The following TMOD1 variants were observed in gnomAD, a reference collection of about 807,000 sequenced individuals.
TMOD1 encodes the protein tropomodulin 1, also known as tropomodulin-1.
In TMOD1, 17 loss-of-function variants were observed where a neutral mutation model predicts 40.6. The ratio of observed to expected loss-of-function variants is 0.42; its 90% CI spans 0.29 to 0.63. The LOEUF is 0.63. Ranked by LOEUF, TMOD1 falls within the 20% of genes least tolerant of loss-of-function variation. The pLI is 0.22. For missense variants in TMOD1, 391 were observed against 447.6 expected (o/e 0.87, Z 1.14); for synonymous variants, 181 against 175.0 (o/e 1.03, Z -0.27).
At chr9:97,532,442 C>A (rs78941335) in intron 2 of TMOD1, among the ~76,000 whole-genome samples, 2 of 152,210 alleles carry the variant, frequency 1.3e-5, no homozygotes, top group Non-Finnish European at 2.9e-5. Flanking sequence ...TTCACCTTCA[C>A]ACCCCTAGCA....
chr9:97,559,775 A>C (rs1830591166), intron 4 of TMOD1, among the ~76,000 whole-genome samples: 1 of 10,670 alleles, frequency 9.4e-5, no homozygotes, highest in African/African-American at 3.6e-4. Context: ...AAAAATTTAA[A>C]AAAAAAAAAA....
intron 1 of TMOD1, among the ~76,000 whole-genome samples, chr9:97,514,243 G>GGGT (rs71369512): frequency 0.54 from 77,511 of 143,210 alleles, 21,799 homozygotes; most frequent in Middle Eastern, 0.63. Context: ...TTTTTTTTGG[G>GGGT]GGGGGGGTTG....
chr9:97,552,271 A>G (rs112033435), intron 3 of TMOD1, among the ~76,000 whole-genome samples: 57 of 152,246 alleles, frequency 3.7e-4, no homozygotes, highest in African/African-American at 1.3e-3. Flanking sequence ...TTAGGGGATC[A>G]TTTCCTCACT....
At chr9:97,585,727 C>A (rs1207268747) in intron 8 of TMOD1, among the ~76,000 whole-genome samples, 1 of 128,752 alleles carries the variant, frequency 7.8e-6, no homozygotes, top group East Asian at 2.2e-4. Context: ...TTTCTCTAAA[C>A]TTCCCTTCTT....
intron 8 of TMOD1, among the ~76,000 whole-genome samples, chr9:97,584,441 TAGGTG>T (rs1825824012): frequency 6.6e-6 from 1 of 151,342 alleles, no homozygotes; most frequent in Non-Finnish European, 1.5e-5. Context: ...AATTTTGGAA[TAGGTG>T]TGGTGTGGTG....
intron 8 of TMOD1, among the ~76,000 whole-genome samples, chr9:97,581,151 C>A (rs1463477687): frequency 1.3e-4 from 16 of 121,602 alleles, no homozygotes; most frequent in Non-Finnish European, 2.2e-4. Context: ...CCCCTCCCCC[C>A]ACCCCACAAC....
intron 8 of TMOD1, among the ~76,000 whole-genome samples, chr9:97,570,459 G>A (rs892453961): frequency 2.0e-5 from 3 of 152,164 alleles, no homozygotes; most frequent in Non-Finnish European, 2.9e-5. Flanking sequence ...GCCTTGAATT[G>A]CTCATGGTAG....
At chr9:97,575,250 G>A (rs1318346123) in intron 8 of TMOD1, among the ~76,000 whole-genome samples, 1 of 152,128 alleles carries the variant, frequency 6.6e-6, no homozygotes, top group Admixed American at 6.5e-5. Context: ...CTTAAGAGCT[G>A]TAACACTCAC....
intron 1 of TMOD1, among the ~76,000 whole-genome samples, chr9:97,506,730 C>T (rs996188555): frequency 4.2e-4 from 64 of 152,218 alleles, no homozygotes; most frequent in Admixed American, 3.3e-4. Context: ...TGTCCCAGGT[C>T]ATCCAATTCC....
In TMOD1 at chr9:97,564,072, C is replaced by T. The variant is rs768850043; in HGVS notation, c.522C>T (p.Pro174=). The change falls in exon 6 of 10, where the codon CCC becomes CCT. Residue 174 remains proline, a synonymous_variant. Coordinates refer to ENST00000259365, the MANE Select transcript of TMOD1 (RefSeq NM_003275.4). ...VIKPTQYKPV[P]DEEPNSTDVE... is the part of the protein sequence containing the mutation. ...AACCCACACAATACAAGCCTGTGCC[C>T]GACGAAGAACCAAATTCAACAGACG... is the stretch of plus-strand genomic sequence containing the variant. The T allele has an allele frequency of 2.2e-5, 36 of 1,613,982 alleles. 1 individual carries two copies. The African/African-American group carries it at 2.7e-4, about 12-fold the overall frequency.
intron 8 of TMOD1, among the ~76,000 whole-genome samples, chr9:97,575,024 T>A (rs556726224): frequency 1.3e-5 from 2 of 152,182 alleles, no homozygotes; most frequent in Admixed American, 1.3e-4. Flanking sequence ...AAAAGCAGGC[T>A]GCCGGATAAC....
At chr9:97,535,146 T>C (rs993185417) in intron 2 of TMOD1, among the ~76,000 whole-genome samples, 8 of 152,062 alleles carry the variant, frequency 5.3e-5, no homozygotes, top group Non-Finnish European at 1.2e-4. Flanking sequence ...GTCAGGGAAG[T>C]TGGTGAGCAT....
intron 9 of TMOD1, 52 bp from the exon 10 acceptor site, chr9:97,599,582 C>T (rs958346): frequency 0.64 from 1,035,365 of 1,608,476 alleles, 335,660 homozygotes; most frequent in African/African-American, 0.77. Flanking sequence ...ACAGTGCTGG[C>T]CCCTGGTCTA....
chr9:97,504,045 C>T (rs1310054204), intron 1 of TMOD1, among the ~76,000 whole-genome samples: 1 of 152,138 alleles, frequency 6.6e-6, no homozygotes, highest in African/African-American at 2.4e-5. Context: ...TGGGAAAAGA[C>T]CATCAGGATT....
At chr9:97,562,052 A>G (rs2131264254) in intron 4 of TMOD1, among the ~76,000 whole-genome samples, 1 of 152,230 alleles carries the variant, frequency 6.6e-6, no homozygotes, top group African/African-American at 2.4e-5. Context: ...CTTATTCTCC[A>G]CTGTCCCCAC....
At chr9:97,556,155 C>T (rs954016201) in intron 4 of TMOD1, among the ~76,000 whole-genome samples, 8 of 152,028 alleles carry the variant, frequency 5.3e-5, no homozygotes, top group South Asian at 4.2e-4. Context: ...TCGATGAGGC[C>T]GAGGCCTGGG....
At position 97,601,232 on chromosome 9, in the gene TMOD1, T is replaced by C; in HGVS notation, c.*1534T>C. On this transcript the variant is annotated 3_prime_UTR_variant, in exon 10 of 10. Coordinates refer to ENST00000259365, the MANE Select transcript of TMOD1 (RefSeq NM_003275.4). ...TGCATCGCTGAAAACTGCAATATAA[T>C]ATTAAATCTGTTGGTCTATGCATGG... is the stretch of plus-strand genomic sequence containing the variant. The C allele has an allele frequency of 7.9e-7, 1 of 1,266,188 alleles. No individual in the cohort carries two copies. Among genetic ancestry groups the C allele is most frequent in the East Asian group, 5.7e-5 (1 of 17,494 alleles). 78.4% of individuals were successfully genotyped at this position (1,266,188 alleles called of 1,614,324 possible). A position where few individuals can be genotyped will look rare whatever the true frequency, so the allele number is the denominator to read the frequency against.
chr9:97,544,301 GC>G (rs905046872), intron 2 of TMOD1, among the ~76,000 whole-genome samples: 46 of 152,284 alleles, frequency 3.0e-4, no homozygotes, highest in South Asian at 1.2e-3. Context: ...GCTTAGGAAG[GC>G]CGAGGTGGGT....
intron 4 of TMOD1, among the ~76,000 whole-genome samples, chr9:97,554,865 G>A (rs1830511599): frequency 6.6e-6 from 1 of 152,188 alleles, no homozygotes; most frequent in African/African-American, 2.4e-5. Flanking sequence ...TGGGGGATGT[G>A]CAGGGGCAGT....
Sources: gnomAD v4.1 joint callset for allele counts (sites outside exome capture counted in the v4.1 genomes callset) on GRCh38, gnomAD v4.1.1 for gene constraint, MANE v1.5 for transcripts, NCBI Gene and HGNC (gene_info 2026-07-23, HGNC 2026-07-21) for gene names.